NHSL1: variants seen among roughly 807,000 people sequenced by gnomAD.
NHSL1 encodes NHS like 1, also known as NHS-like protein 1.
A neutral mutation model predicts 95.0 loss-of-function variants in NHSL1; 48 were observed. That is an observed-to-expected ratio of 0.51 (90% CI 0.40 to 0.64). The LOEUF (loss-of-function observed/expected upper bound fraction) is 0.64. Among genes scored for constraint, NHSL1 ranks in the 30% least tolerant of loss-of-function variants. The pLI, the probability that NHSL1 is intolerant of heterozygous loss-of-function variation, is 0.00. For missense variants in NHSL1, 1,971 were observed against 2,077.7 expected (o/e 0.95, Z 1.00); for synonymous variants, 783 against 833.9 (o/e 0.94, Z 1.05).
intron 1 of NHSL1, among the ~76,000 whole-genome samples, chr6:138,618,645 A>G (rs541421285): frequency 6.6e-6 from 1 of 152,314 alleles, no homozygotes; most frequent in South Asian, 2.1e-4. Context: ...AGAAAGGTAG[A>G]AAAGGAAATA....
At chr6:138,437,206 G>A (rs1175072553) in intron 5 of NHSL1, among the ~76,000 whole-genome samples, 7 of 150,058 alleles carry the variant, frequency 4.7e-5, no homozygotes, top group South Asian at 2.1e-4. Context: ...CCCAGGAGGC[G>A]GAGGTTGCAG....
At chr6:138,619,146 C>T (rs571245955) in intron 1 of NHSL1, among the ~76,000 whole-genome samples, 123 of 152,168 alleles carry the variant, frequency 8.1e-4, no homozygotes, top group African/African-American at 2.7e-3. Context: ...GAGATCAGCC[C>T]GGCCAACATG....
intron 1 of NHSL1, among the ~76,000 whole-genome samples, chr6:138,606,456 T>C (rs907611230): frequency 1.3e-5 from 2 of 152,236 alleles, no homozygotes; most frequent in African/African-American, 4.8e-5. Flanking sequence ...ATATTGCCCT[T>C]GTCATTCTTG....
intron 1 of NHSL1, among the ~76,000 whole-genome samples, chr6:138,685,065 C>T (rs1006220556): frequency 6.6e-6 from 1 of 151,852 alleles, no homozygotes; most frequent in African/African-American, 2.4e-5. Context: ...AGTTTTGTTT[C>T]TGAATTTTCT....
At chr6:138,607,370 A>G (rs1360968746) in intron 1 of NHSL1, among the ~76,000 whole-genome samples, 1 of 152,220 alleles carries the variant, frequency 6.6e-6, no homozygotes, top group African/African-American at 2.4e-5. Flanking sequence ...AACAAAAACA[A>G]AAGTATTTAC....
At chr6:138,480,157 G>A (rs1335674721) in intron 2 of NHSL1, among the ~76,000 whole-genome samples, 1 of 152,146 alleles carries the variant, frequency 6.6e-6, no homozygotes, top group Non-Finnish European at 1.5e-5. Flanking sequence ...GTATCAGAAG[G>A]GGATTGGTTC....
intron 1 of NHSL1, among the ~76,000 whole-genome samples, chr6:138,668,041 T>G (rs1457439536): frequency 1.3e-5 from 2 of 151,986 alleles, no homozygotes; most frequent in East Asian, 3.8e-4. Context: ...TTAGGACCAC[T>G]CAGAAAGAAT....
Position 138,657,772 on chromosome 6 carries a change from G to A in NHSL1, c.96+34704C>T, listed in dbSNP as rs567869601. Among the ~76,000 whole-genome samples the A allele has an allele frequency of 7.5e-3, 968 of 128,520 alleles. 12 individuals are homozygous for A. Among genetic ancestry groups the A allele is most frequent in the African/African-American group, 0.026 (852 of 32,798 alleles). 84.3% of individuals were successfully genotyped at this position (128,520 alleles called of 152,430 possible). A position where few individuals can be genotyped will look rare whatever the true frequency, so the allele number is the denominator to read the frequency against. On this transcript the variant is annotated intron_variant, in intron 1 of 3. Transcript: ENST00000491526. ...AGAGCTTGCAGTGAGCCGAGATCGC[G>A]CCACTGCACTCCAGCCTGGGCGACA... is the stretch of plus-strand genomic sequence containing the variant.
intron 1 of NHSL1, among the ~76,000 whole-genome samples, chr6:138,665,798 C>A (rs932872208): frequency 2.0e-5 from 3 of 152,070 alleles, no homozygotes; most frequent in African/African-American, 7.2e-5. Context: ...ATAATCCTAT[C>A]GCCCCTCTAA....
At chr6:138,663,913 T>C (rs1406416310) in intron 1 of NHSL1, among the ~76,000 whole-genome samples, 1 of 152,158 alleles carries the variant, frequency 6.6e-6, no homozygotes, top group Non-Finnish European at 1.5e-5. Flanking sequence ...CAAAACATGT[T>C]CATAGTTAAC....
At chr6:138,649,441 G>A (rs1168581767) in intron 1 of NHSL1, among the ~76,000 whole-genome samples, 2 of 149,032 alleles carry the variant, frequency 1.3e-5, no homozygotes, top group African/African-American at 2.5e-5. Context: ...AAAAAAACCA[G>A]GGAATTCTAT....
intron 5 of NHSL1, among the ~76,000 whole-genome samples, chr6:138,441,286 C>T (rs944165719): frequency 6.6e-6 from 1 of 151,936 alleles, no homozygotes; most frequent in African/African-American, 2.4e-5. Context: ...GTATTATGGG[C>T]CCTATTAGAA....
intron 1 of NHSL1, among the ~76,000 whole-genome samples, chr6:138,585,824 A>C (rs1431298266): frequency 6.6e-6 from 1 of 151,738 alleles, no homozygotes; most frequent in Non-Finnish European, 1.5e-5. Context: ...AGGTGGGAGG[A>C]CTGCTTGAGG....
At chr6:138,565,755 T>C (rs1003981760) in intron 1 of NHSL1, among the ~76,000 whole-genome samples, 1 of 120,150 alleles carries the variant, frequency 8.3e-6, no homozygotes, top group Non-Finnish European at 1.6e-5. Context: ...AGAGACCCCA[T>C]CTCTACAAAA....
intron 1 of NHSL1, among the ~76,000 whole-genome samples, chr6:138,516,439 C>T (rs1286897892): frequency 5.3e-5 from 8 of 152,234 alleles, no homozygotes; most frequent in African/African-American, 1.9e-4. Context: ...ACTGAACGTG[C>T]CTGAGACCAT....
intron 3 of NHSL1, among the ~76,000 whole-genome samples, chr6:138,469,702 G>A (rs1778630293): frequency 6.6e-6 from 1 of 152,080 alleles, no homozygotes; most frequent in Non-Finnish European, 1.5e-5. Context: ...TCCAGCCTGG[G>A]CAACAGACTC....
intron 1 of NHSL1, among the ~76,000 whole-genome samples, chr6:138,683,204 C>T (rs867568347): frequency 7.9e-5 from 12 of 152,206 alleles, no homozygotes; most frequent in African/African-American, 2.2e-4. Flanking sequence ...ACACTGCTCT[C>T]GGGAGCCACA....
At chr6:138,481,398 G>T (rs147736546) in intron 2 of NHSL1, among the ~76,000 whole-genome samples, 1 of 152,118 alleles carries the variant, frequency 6.6e-6, no homozygotes, top group Non-Finnish European at 1.5e-5. Context: ...ACTCATGCAC[G>T]ATGAATTTTC....
chr6:138,571,793 C>T (rs1053864187), exon 1 of NHSL1: 2 of 1,552,124 alleles, frequency 1.3e-6, no homozygotes, highest in African/African-American at 1.4e-5. Context: ...TCCATCACTG[C>T]GAAACAGCCT....
Sources: allele counts gnomAD v4.1 joint callset (sites outside exome capture counted in the v4.1 genomes callset), GRCh38; gene constraint gnomAD v4.1.1; transcripts MANE v1.5; gene names NCBI Gene and HGNC (gene_info 2026-07-23, HGNC 2026-07-21).